Variants in TAF3 observed in about 807,000 individuals in gnomAD.
The protein encoded by TAF3 is transcription initiation factor TFIID subunit 3.
A neutral mutation model predicts 80.6 loss-of-function variants in TAF3; 7 were observed. The ratio of observed to expected loss-of-function variants is 0.09; its 90% CI spans 0.05 to 0.16. The LOEUF is 0.16. TAF3 is among the 10% of genes least tolerant of loss of function. TAF3 has a pLI of 1.00. For synonymous variants in TAF3, 444 were observed against 446.1 expected (o/e 1.00, Z 0.06); for missense variants, 921 against 1,140.2 (o/e 0.81, Z 2.77).
intron 2 of TAF3, among the ~76,000 whole-genome samples, chr10:7,902,795 G>A (rs1837571789): frequency 6.6e-6 from 1 of 152,048 alleles, no homozygotes; most frequent in South Asian, 2.1e-4. Flanking sequence ...TTATACTTGT[G>A]GCTGTAGAAT....
intron 3 of TAF3, among the ~76,000 whole-genome samples, chr10:7,974,587 T>C (rs1831652498): frequency 6.6e-6 from 1 of 151,878 alleles, no homozygotes; most frequent in Non-Finnish European, 1.5e-5. Context: ...AAGAGGAGTT[T>C]GTAAAGGAGA....
At chr10:7,892,730 G>C (rs1045902582) in intron 2 of TAF3, among the ~76,000 whole-genome samples, 5 of 151,818 alleles carry the variant, frequency 3.3e-5, no homozygotes, top group African/African-American at 1.2e-4. Context: ...TGGTCAGTTA[G>C]TCTATCTATC....
chr10:7,969,130 T>C (rs1831598841), intron 3 of TAF3, among the ~76,000 whole-genome samples: 1 of 142,702 alleles, frequency 7.0e-6, no homozygotes, highest in African/African-American at 2.5e-5. Context: ...ATAGTGAGAC[T>C]GTCTCTCCAA....
At chr10:7,996,965 A>T (rs1265157552) in intron 4 of TAF3, among the ~76,000 whole-genome samples, 1 of 151,366 alleles carries the variant, frequency 6.6e-6, no homozygotes, top group African/African-American at 2.4e-5. Flanking sequence ...AAGTGCTGGG[A>T]TTATAAGCAT....
intron 2 of TAF3, among the ~76,000 whole-genome samples, chr10:7,904,392 A>T (rs902438207): frequency 6.6e-5 from 10 of 152,170 alleles, no homozygotes; most frequent in Admixed American, 5.9e-4. Flanking sequence ...TTTTTCTTTA[A>T]GGCCTGTCAC....
In TAF3 at chr10:8,014,890, AAC is replaced by A; in HGVS notation, c.*144_*145del. 1 of 708,590 alleles carries A rather than the reference AAC, an allele frequency of 1.4e-6. No homozygotes were observed. The allele number at this position is 708,590 out of a possible 1,614,324, so 43.9% of individuals were successfully genotyped here. On this transcript the variant is annotated 3_prime_UTR_variant, in exon 7 of 7. Transcript: ENST00000344293. ...AAGAACCCAGGAGGACTGAGGCTGG[AAC>A]ACACCGCGCACCTGGATTGTTCACT...
At chr10:7,925,272 CAT>C (rs1491352741) in intron 2 of TAF3, among the ~76,000 whole-genome samples, 2 of 152,178 alleles carry the variant, frequency 1.3e-5, no homozygotes, top group Non-Finnish European at 2.9e-5. Context: ...TTGGTGTGGA[CAT>C]GTGTGTGGAC....
intron 5 of TAF3, among the ~76,000 whole-genome samples, chr10:8,013,050 A>G (rs1021792032): frequency 6.6e-6 from 1 of 152,116 alleles, no homozygotes; most frequent in Non-Finnish European, 1.5e-5. Context: ...AATAAAGTCA[A>G]CTCTAGAGTA....
At chr10:7,865,206 G>A (rs1837198427) in intron 2 of TAF3, among the ~76,000 whole-genome samples, 1 of 152,100 alleles carries the variant, frequency 6.6e-6, no homozygotes, top group South Asian at 2.1e-4. Context: ...GGTGGCTCAT[G>A]CCTGTAATCC....
intron 6 of TAF3, 100 bp from the exon 7 acceptor site, chr10:8,014,537 A>C: frequency 9.7e-7 from 1 of 1,027,224 alleles, no homozygotes; most frequent in South Asian, 1.7e-5. Flanking sequence ...GATTTCGGGT[A>C]AACATGTCAT....
intron 2 of TAF3, among the ~76,000 whole-genome samples, chr10:7,859,728 C>T (rs1235096633): frequency 1.3e-5 from 2 of 152,168 alleles, no homozygotes; most frequent in Non-Finnish European, 2.9e-5. Flanking sequence ...AGTTTGTTTT[C>T]TTCCTCTACT....
chr10:7,985,531 G>A (rs1831767854), intron 4 of TAF3, among the ~76,000 whole-genome samples: 2 of 152,064 alleles, frequency 1.3e-5, no homozygotes, highest in Admixed American at 1.3e-4. Flanking sequence ...TTATTCTTTA[G>A]TTTTACTTTC....
intron 2 of TAF3, among the ~76,000 whole-genome samples, chr10:7,924,275 T>C (rs1370029663): frequency 6.6e-6 from 1 of 152,224 alleles, no homozygotes; most frequent in African/African-American, 2.4e-5. Flanking sequence ...GCTAACCCAA[T>C]GAGAAAGCAT....
intron 2 of TAF3, among the ~76,000 whole-genome samples, chr10:7,844,416 CACCAGGCTGGAGTGCAGTGGCG>C (rs1182924944): frequency 1.4e-5 from 2 of 139,518 alleles, no homozygotes; most frequent in African/African-American, 5.4e-5. Context: ...CTTGCTCTGT[CACCAGGCTGGAGTGCAGTGGCG>C]CGATCTCGGC....
intron 2 of TAF3, among the ~76,000 whole-genome samples, chr10:7,889,645 T>G (rs1837440560): frequency 6.6e-6 from 1 of 152,236 alleles, no homozygotes; most frequent in South Asian, 2.1e-4. Context: ...AGTGGCTTAC[T>G]GGGCAAATTC....
chr10:7,963,757 G>A (rs576788983), intron 2 of TAF3, among the ~76,000 whole-genome samples, 163 bp from the exon 3 acceptor site: 2 of 152,066 alleles, frequency 1.3e-5, no homozygotes, highest in Non-Finnish European at 2.9e-5. Flanking sequence ...ATGTATACCT[G>A]TGTAACAAAC....
At chr10:8,000,222 T>C (rs1418432092) in intron 4 of TAF3, among the ~76,000 whole-genome samples, 1 of 152,072 alleles carries the variant, frequency 6.6e-6, no homozygotes, top group African/African-American at 2.4e-5. Context: ...GTTCAAGCGA[T>C]TCTCTAGCCT....
intron 4 of TAF3, among the ~76,000 whole-genome samples, chr10:7,991,244 GTA>G (rs1213286231): frequency 1.3e-5 from 2 of 151,990 alleles, no homozygotes; most frequent in African/African-American, 4.8e-5. Context: ...TAATAAGTGT[GTA>G]TGTGTGTGTG....
intron 2 of TAF3, among the ~76,000 whole-genome samples, chr10:7,948,993 C>T (rs531555647): frequency 2.6e-4 from 40 of 152,268 alleles, no homozygotes; most frequent in South Asian, 6.2e-4. Flanking sequence ...AGGTGCTGGG[C>T]GGGTGGGGAG....
Sources: allele counts gnomAD v4.1 joint callset (sites outside exome capture counted in the v4.1 genomes callset), GRCh38; gene constraint gnomAD v4.1.1; transcripts MANE v1.5; gene names NCBI Gene and HGNC (gene_info 2026-07-23, HGNC 2026-07-21).